Variants in ATPAF2 observed in about 807,000 individuals in gnomAD.
ATPAF2 encodes ATP synthase mitochondrial F1 complex assembly factor 2, also known as ATP12 homolog.
In ATPAF2, 30 loss-of-function variants were observed where a neutral mutation model predicts 36.6. The observed-to-expected ratio is 0.82, with a 90% confidence interval of 0.61 to 1.11. The LOEUF (loss-of-function observed/expected upper bound fraction) is 1.11. Ranked by LOEUF, ATPAF2 falls within the 50% of genes most tolerant of loss-of-function variation. The pLI, the probability that ATPAF2 is intolerant of heterozygous loss-of-function variation, is 0.00. For synonymous variants in ATPAF2, 140 were observed against 152.6 expected (o/e 0.92, Z 0.61); for missense variants, 321 against 372.3 (o/e 0.86, Z 1.13).
Position 18,026,523 on chromosome 17 carries a change from C to G in ATPAF2, c.325-107G>C, listed in dbSNP as rs892264651. On this transcript the variant is annotated intron_variant, in intron 3 of 7. Coordinates refer to ENST00000474627, the MANE Select transcript of ATPAF2 (RefSeq NM_145691.4). ...ACACATAGCAGACAGCACCACAGCACAGCCCTCCACCAGAGGCGTCTGCAT... is the reference window on the plus strand; with the variant it reads ...ACACATAGCAGACAGCACCACAGCAGAGCCCTCCACCAGAGGCGTCTGCAT... 5.9e-6 allele frequency: 5 copies of G among 851,162 alleles called. No individual in the cohort carries two copies. The South Asian group carries it at 6.6e-5, about 11-fold the overall frequency. The allele number at this position is 851,162 out of a possible 1,614,324, so 52.7% of individuals were successfully genotyped here.
At chr17:18,026,108 A>G in intron 4 of ATPAF2, 1 of 635,710 alleles carries the variant, frequency 1.6e-6, no homozygotes, top group Non-Finnish European at 2.9e-6. Context: ...TCTGGGCTAG[A>G]GAAGAGGGGT....
At chr17:18,035,765 G>C (rs1334411305) in intron 1 of ATPAF2, among the ~76,000 whole-genome samples, 2 of 152,236 alleles carry the variant, frequency 1.3e-5, no homozygotes, top group Admixed American at 6.5e-5. Context: ...ACAGGTGGCA[G>C]GCTGGACCCT....
Position 18,022,499 on chromosome 17 carries a change from C to T in ATPAF2, c.504-642G>A, listed in dbSNP as rs116682413. Among the ~76,000 whole-genome samples the T allele has an allele frequency of 8.6e-3, 1,314 of 152,018 alleles. 18 individuals carry two copies. The highest frequency in any genetic ancestry group is 0.028 in the African/African-American group (1,156 of 41,468). On this transcript the variant is annotated intron_variant, in intron 5 of 7. Coordinates refer to ENST00000474627, the MANE Select transcript of ATPAF2 (RefSeq NM_145691.4). Reference sequence around the variant, plus strand: ...CCATGTTGCTCGAGCTGGTCTCAAACGCCTGGACTCACGCGATCTGCCAAC... The same window carrying T: ...CCATGTTGCTCGAGCTGGTCTCAAATGCCTGGACTCACGCGATCTGCCAAC...
At chr17:18,029,854 C>G (rs184869115) in intron 1 of ATPAF2, among the ~76,000 whole-genome samples, 1 of 138,388 alleles carries the variant, frequency 7.2e-6, no homozygotes, top group Admixed American at 7.9e-5. Context: ...CCACCATGCC[C>G]GGCCAAATAG....
rs2044423899 is a variant in ATPAF2, at chr17:18,018,821, TA to T, written c.733-136del. On this transcript the variant is annotated intron_variant, in intron 7 of 7. Coordinates refer to ENST00000474627, the MANE Select transcript of ATPAF2 (RefSeq NM_145691.4). ...CTTGCCAAAACACATGAGACATGCC[TA>T]GGGGGAGGTGGCAGGTAAGAACACC... 3.1e-6 allele frequency: 4 copies of T among 1,304,324 alleles called. No individual in the cohort carries two copies. In the African/African-American group the frequency reaches 5.8e-5, roughly 19 times the overall value. 80.8% of individuals were successfully genotyped at this position (1,304,324 alleles called of 1,614,324 possible).
intron 6 of ATPAF2, chr17:18,021,525 T>C: frequency 3.2e-6 from 2 of 628,202 alleles, no homozygotes; most frequent in Non-Finnish European, 2.9e-6. Flanking sequence ...GCAATGAGAT[T>C]GAACTCAAGA....
chr17:18,024,456 G>T (rs2044514594), intron 5 of ATPAF2, among the ~76,000 whole-genome samples, 168 bp downstream of exon 5: 1 of 152,058 alleles, frequency 6.6e-6, no homozygotes, highest in South Asian at 2.1e-4. Flanking sequence ...TTTTTTCCCA[G>T]GATGACCCTA....
chr17:18,021,309 G>C, intron 6 of ATPAF2, 71 bp from the exon 7 acceptor site: 1 of 1,141,844 alleles, frequency 8.8e-7, no homozygotes. Flanking sequence ...GTGAGTCCCA[G>C]CAGCCCTAGC....
Position 18,024,685 on chromosome 17 carries a change from C to G in ATPAF2, c.442G>C (p.Glu148Gln), listed in dbSNP as rs777247426. The G allele has an allele frequency of 1.5e-5, 25 of 1,613,936 alleles. No individual in the cohort carries two copies. The highest frequency in any genetic ancestry group is 2.1e-5 in the Non-Finnish European group (25 of 1,179,834). Residue 148 changes from glutamate to glutamine, a missense_variant, in exon 5 of 8, where the codon GAG (glutamate) becomes CAG (glutamine). Coordinates refer to ENST00000474627, the MANE Select transcript of ATPAF2 (RefSeq NM_145691.4). The part of the protein sequence containing the change: ...DTICYRVEEP[E>Q]TLVELQRNEW... ...TTCCTTTGAAGTTCCACTAATGTCT[C>G]GGGCTCCTCCACCCTGTAGCTAATT...
chr17:18,019,464 G>A (rs1266136872), intron 7 of ATPAF2, among the ~76,000 whole-genome samples: 1 of 152,266 alleles, frequency 6.6e-6, no homozygotes, highest in Non-Finnish European at 1.5e-5. Context: ...CCATGTGGGT[G>A]GAATAACTAA....
chr17:18,022,384 C>T (rs1203616751), intron 5 of ATPAF2, among the ~76,000 whole-genome samples: 1 of 152,068 alleles, frequency 6.6e-6, no homozygotes, highest in Non-Finnish European at 1.5e-5. Flanking sequence ...TAGGCTCAAG[C>T]GATCCTCCCA....
In ATPAF2 at chr17:18,028,269, G is replaced by A. The variant is rs767069848; in HGVS notation, c.287C>T (p.Ser96Phe). 2 of 1,614,186 alleles carry A rather than the reference G, an allele frequency of 1.2e-6. No homozygotes were observed. Among genetic ancestry groups the A allele is most frequent in the Admixed American group, 1.7e-5 (1 of 60,020 alleles). The change falls in exon 3 of 8, where the codon TCC becomes TTC. Residue 96 changes from serine to phenylalanine, a missense_variant. Physicochemically the swap from Ser to Phe is radical, Grantham distance 155. This residue lies in a region of ATPAF2 where 53 missense variants were observed against 91.6 expected (regional missense o/e 0.58). Transcript: ENST00000474627. ...LAIAVATEWDSQQDTIKYYTM... is the reference protein window; with the variant it reads ...LAIAVATEWDFQQDTIKYYTM... Reference sequence around the variant, plus strand: ...GTAGTACTTGATGGTATCCTGCTGGGAATCCCACTCAGTAGCCACTGCAAT... The same window carrying A: ...GTAGTACTTGATGGTATCCTGCTGGAAATCCCACTCAGTAGCCACTGCAAT...
chr17:18,020,860 C>A (rs2044459649), intron 7 of ATPAF2: 5 of 644,644 alleles, frequency 7.8e-6, no homozygotes, highest in African/African-American at 1.9e-5. Context: ...AGGGTTTTGC[C>A]ATGTTGCCCA....
At chr17:18,022,655 T>C (rs1184258788) in intron 5 of ATPAF2, among the ~76,000 whole-genome samples, 1 of 149,418 alleles carries the variant, frequency 6.7e-6, no homozygotes, top group South Asian at 2.1e-4. Context: ...CAGGCTGAAG[T>C]GCAGTGGCAT....
Position 18,021,234 on chromosome 17 carries a change from A to G in ATPAF2, c.621T>C (p.Ile207=). The G allele has an allele frequency of 6.2e-7, 1 of 1,611,078 alleles. No homozygotes were observed. Among genetic ancestry groups the G allele is most frequent in the Non-Finnish European group, 8.5e-7 (1 of 1,178,122 alleles). ...ACTTGAGCTGGGCAGCTACAAACTC[A>G]ATCCCTGCAGGGACACAAGCCAAGT... The part of the protein sequence containing the change: ...ASYNTWALQG[I]EFVAAQLKSM... The change falls in exon 7 of 8, where the codon ATT becomes ATC. Residue 207 remains isoleucine (I), a synonymous_variant. Coordinates refer to ENST00000474627, the MANE Select transcript of ATPAF2 (RefSeq NM_145691.4).
intron 5 of ATPAF2, among the ~76,000 whole-genome samples, chr17:18,022,213 G>A (rs1036222543): frequency 1.3e-5 from 2 of 152,112 alleles, no homozygotes; most frequent in African/African-American, 4.8e-5. Flanking sequence ...CACATTTGAG[G>A]ACATATAAAA....
intron 1 of ATPAF2, among the ~76,000 whole-genome samples, chr17:18,037,277 C>T (rs549026227): frequency 1.1e-4 from 16 of 151,832 alleles, no homozygotes; most frequent in Non-Finnish European, 2.1e-4. Flanking sequence ...CATCCAGCCC[C>T]CTTCCCCATT....
intron 3 of ATPAF2, 75 bp from the exon 4 acceptor site, chr17:18,026,491 A>C: frequency 9.3e-7 from 1 of 1,075,296 alleles, no homozygotes; most frequent in Non-Finnish European, 1.5e-6. Context: ...TGAGGACACC[A>C]CATCTGACAC....
intron 7 of ATPAF2, among the ~76,000 whole-genome samples, chr17:18,019,968 C>T (rs768732827): frequency 6.6e-6 from 1 of 152,320 alleles, no homozygotes; most frequent in Admixed American, 6.5e-5. Context: ...CAAGTCACCC[C>T]CTTCCTATGT....
Sources: gnomAD v4.1 joint callset for allele counts (sites outside exome capture counted in the v4.1 genomes callset) on GRCh38, gnomAD v4.1.1 for gene constraint, gnomAD v4.1.1 regional missense constraint, MANE v1.5 for transcripts, NCBI Gene and HGNC (gene_info 2026-07-23, HGNC 2026-07-21) for gene names.